The following DMD variants were observed in gnomAD, a reference collection of about 807,000 sequenced individuals.
The protein encoded by DMD is dystrophin.
A neutral mutation model predicts 330.1 loss-of-function variants in DMD; 63 were observed. The observed-to-expected ratio is 0.19, with a 90% CI of 0.16 to 0.24. The LOEUF (loss-of-function observed/expected upper bound fraction) is 0.24, where lower values mean the gene tolerates loss of function less well. Ranked by LOEUF, DMD falls within the 10% of genes least tolerant of loss-of-function variation. The probability of loss-of-function intolerance (pLI) is 1.00; values close to 1 mark genes in which losing one functional copy is unlikely to be tolerated. For missense variants in DMD, 3,344 were observed against 2,684.1 expected (o/e 1.25, Z -5.43); for synonymous variants, 1,223 against 959.8 (o/e 1.27, Z -5.07).
At chrX:33,044,564 G>T (rs1228322155) in intron 1 of DMD, among the ~76,000 whole-genome samples, 1 of 112,218 alleles carries the variant, frequency 8.9e-6, no homozygotes, top group Non-Finnish European at 1.9e-5. Flanking sequence ...TTTCTTAAAT[G>T]ACTGCTACAT....
At chrX:32,613,977 A>G (rs1290741804) in intron 12 of DMD, among the ~76,000 whole-genome samples, 1 of 110,174 alleles carries the variant, frequency 9.1e-6, no homozygotes, top group Non-Finnish European at 1.9e-5. Flanking sequence ...ATGGTGGTGC[A>G]TGGTGGAGGG....
At chrX:32,775,339 T>C (rs1209677645) in intron 7 of DMD, among the ~76,000 whole-genome samples, 5 of 112,548 alleles carry the variant, frequency 4.4e-5, no homozygotes, top group Non-Finnish European at 9.4e-5. Context: ...GAGGACTCTG[T>C]GGTGGGGGGA....
At position 33,119,950 on chromosome X, in the gene DMD, A is replaced by G. The variant is rs183900441; in HGVS notation, c.31+91332T>C. 2.9e-3 allele frequency among the ~76,000 whole-genome samples: 324 copies of G among 111,282 alleles called. 1 individual carries two copies. Among genetic ancestry groups the G allele is most frequent in the African/African-American group, 9.8e-3 (300 of 30,625 alleles). ...CATAACCAGTCTTCTAACCCTTCCT[A>G]TTGATTTGCAGGTTCACTAACTGTT... On this transcript the variant is annotated intron_variant, in intron 1 of 78. Coordinates refer to ENST00000357033, the MANE Select transcript of DMD (RefSeq NM_004006.3).
chrX:32,183,622 TCTAA>T (rs750977841), intron 44 of DMD, among the ~76,000 whole-genome samples: 37 of 104,585 alleles, frequency 3.5e-4, no homozygotes, highest in African/African-American at 7.5e-4. Flanking sequence ...TAAAAAATAC[TCTAA>T]CTGACAAGAT....
chrX:31,376,138 T>C, intron 60 of DMD, among the ~76,000 whole-genome samples: 1 of 112,378 alleles, frequency 8.9e-6, no homozygotes, highest in Non-Finnish European at 1.9e-5. Flanking sequence ...CACCCTGGCA[T>C]AGGCTCTGAG....
intron 4 of DMD, among the ~76,000 whole-genome samples, chrX:32,827,045 A>C: frequency 1.2e-5 from 1 of 83,572 alleles, no homozygotes; most frequent in Non-Finnish European, 2.2e-5. Flanking sequence ...AGTCATTGGA[A>C]CACACATCGC....
intron 2 of DMD, among the ~76,000 whole-genome samples, chrX:32,883,823 C>CCAAAAAAAAAAAAAAAAAAAAAAAAA (rs1169678184): frequency 6.6e-5 from 2 of 30,352 alleles, no homozygotes; most frequent in African/African-American, 2.9e-4. Context: ...GACTCTGTTT[C>CCAAAAAAAAAAAAAAAAAAAAAAAAA]AAAAAAAAAA....
intron 38 of DMD, among the ~76,000 whole-genome samples, chrX:32,346,620 G>T (rs1287023665): frequency 9.0e-6 from 1 of 110,952 alleles, no homozygotes; most frequent in African/African-American, 3.3e-5. Flanking sequence ...ATTAATAGGA[G>T]AAATATCAGG....
At chrX:32,784,287 C>A (rs1033885149) in intron 7 of DMD, among the ~76,000 whole-genome samples, 12 of 111,636 alleles carry the variant, frequency 1.1e-4, no homozygotes, top group Non-Finnish European at 2.3e-4. Context: ...TAAATGTTGA[C>A]TTAAAATAGT....
At chrX:32,257,643 T>C (rs1909679717) in intron 43 of DMD, among the ~76,000 whole-genome samples, 2 of 111,545 alleles carry the variant, frequency 1.8e-5, no homozygotes, top group Admixed American at 9.6e-5. Context: ...GACCCCTTCC[T>C]TACCCCTTAT....
At position 32,691,959 on chromosome X, in the gene DMD, G is replaced by A. The variant is rs373681859; in HGVS notation, c.960+5911C>T. Reference sequence around the variant, plus strand: ...TATAAGAGGTATGTAAAATACTCAAGCTGATCAAATCAGAGAGTGAAATAG... The same window carrying A: ...TATAAGAGGTATGTAAAATACTCAAACTGATCAAATCAGAGAGTGAAATAG... On this transcript the variant is annotated intron_variant, in intron 9 of 78. Transcript: ENST00000357033. Among the ~76,000 whole-genome samples, 3 of 110,578 alleles carry A rather than the reference G, an allele frequency of 2.7e-5. No individual in the cohort carries two copies. The East Asian group carries it at 8.6e-4, about 32-fold the overall frequency.
At position 31,506,240 on chromosome X, in the gene DMD, A is replaced by C. The variant is rs779258507; in HGVS notation, c.8390+1041T>G. 9.0e-5 allele frequency among the ~76,000 whole-genome samples: 10 copies of C among 111,709 alleles called. No individual in the cohort carries two copies. In the South Asian group the frequency reaches 2.6e-3, roughly 30 times the overall value. On this transcript the variant is annotated intron_variant, in intron 56 of 78. Coordinates refer to ENST00000357033, the MANE Select transcript of DMD (RefSeq NM_004006.3). Reference sequence around the variant, plus strand: ...TCCTCCTTATAGAAGTATATATGTTAAAATTTTGGACAAGTTAGAAGAACT... The same window carrying C: ...TCCTCCTTATAGAAGTATATATGTTCAAATTTTGGACAAGTTAGAAGAACT...
At chrX:32,120,599 G>A (rs910486337) in intron 44 of DMD, among the ~76,000 whole-genome samples, 1 of 111,927 alleles carries the variant, frequency 8.9e-6, no homozygotes, top group African/African-American at 3.3e-5. Flanking sequence ...ACACATTCGT[G>A]AGCATAAAGT....
chrX:31,875,843 A>G (rs1390346802), intron 47 of DMD, among the ~76,000 whole-genome samples: 1 of 112,572 alleles, frequency 8.9e-6, no homozygotes, highest in Non-Finnish European at 1.9e-5. Context: ...AGTGATTTTT[A>G]TTCAATGCGC....
At chrX:31,983,969 C>T (rs2095493459) in intron 44 of DMD, among the ~76,000 whole-genome samples, 2 of 111,263 alleles carry the variant, frequency 1.8e-5, no homozygotes, top group South Asian at 7.5e-4. Context: ...TCCCATTATT[C>T]GGTACTGGCT....
intron 62 of DMD, among the ~76,000 whole-genome samples, chrX:31,310,175 TC>T (rs2055358661): frequency 1.5e-5 from 1 of 66,854 alleles, no homozygotes; most frequent in African/African-American, 8.7e-5. Flanking sequence ...CTCTTCGTTG[TC>T]CTCTCTCTCT....
At chrX:33,250,873 C>CA (rs1034434278) in intron 1 of DMD, among the ~76,000 whole-genome samples, 1 of 109,865 alleles carries the variant, frequency 9.1e-6, no homozygotes, top group African/African-American at 3.3e-5. Context: ...TGAAATGGGG[C>CA]AAAAAAGATG....
At chrX:33,039,029 C>T (rs1202676872) in intron 1 of DMD, among the ~76,000 whole-genome samples, 2 of 111,723 alleles carry the variant, frequency 1.8e-5, no homozygotes, top group African/African-American at 6.5e-5. Flanking sequence ...ATTTTTTCTT[C>T]AATTTTATAG....
At chrX:32,595,911 G>C (rs1226479231) in intron 12 of DMD, 35 bp from the exon 13 acceptor site, 1 of 1,114,410 alleles carries the variant, frequency 9.0e-7, no homozygotes, top group Non-Finnish European at 1.2e-6. Flanking sequence ...AAATTAAAAT[G>C]ATATTCTTAC....
Sources: allele counts gnomAD v4.1 joint callset (sites outside exome capture counted in the v4.1 genomes callset), GRCh38; gene constraint gnomAD v4.1.1; transcripts MANE v1.5; gene names NCBI Gene and HGNC (gene_info 2026-07-23, HGNC 2026-07-21).